Variants in ARHGEF10 observed in about 807,000 individuals in gnomAD.
ARHGEF10 encodes the protein Rho guanine nucleotide exchange factor 10.
In ARHGEF10, 140 loss-of-function variants were observed where a neutral mutation model predicts 147.4. The ratio of observed to expected loss-of-function variants is 0.95; its 90% CI spans 0.83 to 1.09. The LOEUF (loss-of-function observed/expected upper bound fraction) is 1.09, where lower values mean the gene tolerates loss of function less well. Ranked by LOEUF, ARHGEF10 falls within the 50% of genes least tolerant of loss-of-function variation. ARHGEF10 has a pLI of 0.00. For synonymous variants in ARHGEF10, 902 were observed against 695.8 expected (o/e 1.30, Z -4.67); for missense variants, 2,222 against 1,752.7 (o/e 1.27, Z -4.78).
rs1295196834 is a variant in ARHGEF10, at chr8:1,933,961, T to C, written c.3222+19T>C. On this transcript the variant is annotated intron_variant, in intron 26 of 28. Transcript: ENST00000349830. ...TGTAGAGGTAAGTCACTTAGGTGGC[T>C]ACACGGTGTGGAAAAAATGCATTTC... The C allele has an allele frequency of 1.2e-6, 2 of 1,614,168 alleles. No individual in the cohort carries two copies. Among genetic ancestry groups the C allele is most frequent in the Non-Finnish European group, 1.7e-6 (2 of 1,180,024 alleles).
chr8:1,860,265 C>T (rs1238071849), intron 4 of ARHGEF10, 81 bp downstream of exon 4: 25 of 1,496,866 alleles, frequency 1.7e-5, no homozygotes, highest in Non-Finnish European at 2.3e-5. Context: ...CCTGTGGTTC[C>T]CTCCTCTGCA....
intron 2 of ARHGEF10, among the ~76,000 whole-genome samples, chr8:1,849,147 C>G (rs560100789): frequency 1.3e-3 from 192 of 152,352 alleles, no homozygotes; most frequent in African/African-American, 4.4e-3. Context: ...CCCTTTTGCT[C>G]ATTAAGAAAA....
At chr8:1,862,996 G>C (rs2129081253) in intron 4 of ARHGEF10, among the ~76,000 whole-genome samples, 1 of 151,990 alleles carries the variant, frequency 6.6e-6, no homozygotes, top group Middle Eastern at 3.4e-3. Context: ...TGTTGACCAG[G>C]ATGGACTTGA....
At chr8:1,938,482 G>T (rs1170392632) in intron 26 of ARHGEF10, among the ~76,000 whole-genome samples, 2 of 152,174 alleles carry the variant, frequency 1.3e-5, no homozygotes, top group Non-Finnish European at 2.9e-5. Context: ...AAGGTTTCTG[G>T]CCCTCATCCT....
chr8:1,855,582 G>A (rs546311055), intron 2 of ARHGEF10, among the ~76,000 whole-genome samples: 2 of 151,386 alleles, frequency 1.3e-5, no homozygotes, highest in African/African-American at 2.4e-5. Flanking sequence ...AAGAGACGGG[G>A]TTTCACTATG....
chr8:1,954,670 C>T (rs1266829290), intron 28 of ARHGEF10, among the ~76,000 whole-genome samples: 1 of 152,228 alleles, frequency 6.6e-6, no homozygotes, highest in Non-Finnish European at 1.5e-5. Flanking sequence ...AGCCTCAGCC[C>T]TCTCTGCTCA....
intron 26 of ARHGEF10, among the ~76,000 whole-genome samples, chr8:1,939,189 C>G (rs1813875821): frequency 6.6e-6 from 1 of 152,256 alleles, no homozygotes; most frequent in Non-Finnish European, 1.5e-5. Context: ...AATTTCAAGG[C>G]AAACGGAGAC....
chr8:1,833,355 G>GGC lies in ARHGEF10; in HGVS notation c.-48+9242_-48+9243insGC, dbSNP rs1563150310. Among the ~76,000 whole-genome samples, 152 of 48,176 alleles carry GGC rather than the reference G, an allele frequency of 3.2e-3. 1 individual carries two copies. The highest frequency in any genetic ancestry group is 0.013 in the African/African-American group (146 of 10,902). The allele number at this position is 48,176 out of a possible 152,430, so 31.6% of individuals were successfully genotyped here. A position where few individuals can be genotyped will look rare whatever the true frequency, so the allele number is the denominator to read the frequency against. On this transcript the variant is annotated intron_variant, in intron 1 of 28. Transcript: ENST00000349830. ...AGACAGAGGCAGAGACAGAGGCAGA[G>GGC]AGAGACAGAGGCAGAGACAGAGGCA...
chr8:1,830,849 C>T (rs917336635), intron 1 of ARHGEF10, among the ~76,000 whole-genome samples: 3 of 152,208 alleles, frequency 2.0e-5, no homozygotes, highest in Admixed American at 6.5e-5. Context: ...GCAGGCGAGG[C>T]GCCAAGAGAA....
chr8:1,873,905 C>A (rs934265957), intron 7 of ARHGEF10, among the ~76,000 whole-genome samples: 1 of 151,940 alleles, frequency 6.6e-6, no homozygotes, highest in African/African-American at 2.4e-5. Flanking sequence ...ATATTCCTTT[C>A]GGTCAGTTCA....
intron 1 of ARHGEF10, among the ~76,000 whole-genome samples, chr8:1,833,147 AGCAGAGACAGAG>A (rs754848803): frequency 8.4e-5 from 2 of 23,688 alleles, no homozygotes; most frequent in Non-Finnish European, 1.2e-4. Context: ...CAGAGACAGA[AGCAGAGACAGAG>A]GCAGAGACAG....
intron 10 of ARHGEF10, among the ~76,000 whole-genome samples, chr8:1,884,069 C>G (rs60187111): frequency 0.64 from 96,674 of 151,940 alleles, 31,434 homozygotes; most frequent in East Asian, 1. Context: ...TACTCTTTTG[C>G]GGGTCAGTTG....
chr8:1,858,242 C>G (rs547819707), intron 3 of ARHGEF10, 127 bp downstream of exon 3: 24 of 852,314 alleles, frequency 2.8e-5, no homozygotes, highest in Non-Finnish European at 4.3e-5. Flanking sequence ...CCAGGTGGGT[C>G]CCCAGGTGAG....
chr8:1,930,277 C>CG (rs1309384008), intron 25 of ARHGEF10, among the ~76,000 whole-genome samples: 1 of 152,064 alleles, frequency 6.6e-6, no homozygotes, highest in Non-Finnish European at 1.5e-5. Context: ...GACGCCTTGG[C>CG]GGGTCCTGTT....
chr8:1,911,431 C>T (rs2069169), intron 18 of ARHGEF10, among the ~76,000 whole-genome samples: 137,126 of 152,288 alleles, frequency 0.9, 61,939 homozygotes, highest in East Asian at 1. Context: ...TGTTTTGTTC[C>T]TCTAGATTAA....
chr8:1,909,127 A>G lies in ARHGEF10; in HGVS notation c.1968-168A>G, dbSNP rs2294035. ...CAGTTCGAGGCCTCTTTATGGCAGC[A>G]AGTGGGGACTCAGTAAGAAAGTCAG... On this transcript the variant is annotated intron_variant, in intron 17 of 28. Transcript: ENST00000349830. Among the ~76,000 whole-genome samples the G allele has an allele frequency of 0.58, 87,771 of 152,092 alleles. 25,707 individuals carry two copies. Among genetic ancestry groups the G allele is most frequent in the African/African-American group, 0.65 (26,914 of 41,512 alleles).
intron 2 of ARHGEF10, among the ~76,000 whole-genome samples, chr8:1,855,700 A>G (rs936891260): frequency 1.3e-5 from 2 of 151,368 alleles, no homozygotes; most frequent in South Asian, 2.1e-4. Context: ...ATACATAAAC[A>G]TTTTCACTGA....
chr8:1,926,502 A>G (rs756599068), intron 23 of ARHGEF10, 39 bp downstream of exon 23: 2 of 1,568,354 alleles, frequency 1.3e-6, no homozygotes, highest in East Asian at 4.5e-5. Flanking sequence ...AAGTTCACAG[A>G]GAATCAACGT....
intron 18 of ARHGEF10, among the ~76,000 whole-genome samples, chr8:1,912,856 G>A (rs927012743): frequency 1.3e-5 from 2 of 152,162 alleles, no homozygotes; most frequent in Non-Finnish European, 2.9e-5. Context: ...CAGCCTCCCC[G>A]ATTGGGACTG....
Sources: gnomAD v4.1 joint callset for allele counts (sites outside exome capture counted in the v4.1 genomes callset) on GRCh38, gnomAD v4.1.1 for gene constraint, MANE v1.5 for transcripts, NCBI Gene and HGNC (gene_info 2026-07-23, HGNC 2026-07-21) for gene names.